The following PTPN4 variants were observed in gnomAD, a reference collection of about 807,000 sequenced individuals.
PTPN4 encodes tyrosine-protein phosphatase non-receptor type 4.
A neutral mutation model predicts 135.5 loss-of-function variants in PTPN4; 49 were observed. The ratio of observed to expected loss-of-function variants is 0.36; its 90% confidence interval spans 0.29 to 0.46. The LOEUF is 0.46. Ranked by LOEUF, PTPN4 falls within the 20% of genes least tolerant of loss-of-function variation. The pLI, the probability that PTPN4 is intolerant of heterozygous loss-of-function variation, is 1.00. For synonymous variants in PTPN4, 333 were observed against 369.9 expected (o/e 0.90, Z 1.14); for missense variants, 860 against 1,101.0 (o/e 0.78, Z 3.10).
At chr2:119,932,269 T>C (rs1047550240) in intron 13 of PTPN4, 155 bp from the exon 14 acceptor site, 3 of 636,680 alleles carry the variant, frequency 4.7e-6, no homozygotes, top group Admixed American at 3.5e-5. Context: ...GGAAGTTATT[T>C]GGTAAATAGC....
chr2:119,760,724 G>A (rs1448863581), intron 1 of PTPN4, among the ~76,000 whole-genome samples: 1 of 131,076 alleles, frequency 7.6e-6, no homozygotes, highest in African/African-American at 3.0e-5. Context: ...TCCATTGCTG[G>A]TAGAATTCCT....
chr2:119,813,251 T>TC (rs1172629115), intron 2 of PTPN4, among the ~76,000 whole-genome samples: 2 of 150,460 alleles, frequency 1.3e-5, no homozygotes, highest in Admixed American at 1.3e-4. Context: ...TTTCTTTCTT[T>TC]CTTTTTTTTT....
chr2:119,868,541 T>C (rs752482857), intron 3 of PTPN4, among the ~76,000 whole-genome samples: 16 of 152,220 alleles, frequency 1.1e-4, no homozygotes, highest in Non-Finnish European at 2.1e-4. Context: ...GACATGTTCA[T>C]GTTGGCCATA....
At chr2:119,883,209 C>A (rs1458857020) in intron 8 of PTPN4, among the ~76,000 whole-genome samples, 1 of 151,966 alleles carries the variant, frequency 6.6e-6, no homozygotes, top group East Asian at 1.9e-4. Flanking sequence ...TTGTTTCATA[C>A]ACAGAATTAT....
rs928922341 is a variant in PTPN4 at position 119,980,257 on chromosome 2, G to A, written c.*3187G>A. 1.3e-5 allele frequency: 2 copies of A among 152,050 alleles called. No homozygotes were observed. Among genetic ancestry groups the A allele is most frequent in the Non-Finnish European group, 2.9e-5 (2 of 67,934 alleles). The allele number at this position is 152,050 out of a possible 1,614,324, so 9.4% of individuals were successfully genotyped here. A position where few individuals can be genotyped will look rare whatever the true frequency, so the allele number is the denominator to read the frequency against. ...TGTACACACACATAGAGCTACTTTTGTGTGTTTATTTATATGTATATTTCA... is the reference window on the plus strand; with the variant it reads ...TGTACACACACATAGAGCTACTTTTATGTGTTTATTTATATGTATATTTCA... On this transcript the variant is annotated 3_prime_UTR_variant, in exon 27 of 27. Transcript: ENST00000263708.
intron 9 of PTPN4, among the ~76,000 whole-genome samples, chr2:119,898,766 G>GT (rs1216309645): frequency 6.6e-6 from 1 of 152,018 alleles, no homozygotes; most frequent in Non-Finnish European, 1.5e-5. Context: ...TTGTTCTCTC[G>GT]TTTTATCTTA....
chr2:119,970,976 A>G (rs1274909748), intron 26 of PTPN4, among the ~76,000 whole-genome samples: 1 of 152,054 alleles, frequency 6.6e-6, no homozygotes, highest in Non-Finnish European at 1.5e-5. Context: ...TTTTTATTTT[A>G]GCCATCCTGC....
At chr2:119,901,995 A>T (rs551922922) in intron 10 of PTPN4, among the ~76,000 whole-genome samples, 1 of 152,336 alleles carries the variant, frequency 6.6e-6, no homozygotes, top group Non-Finnish European at 1.5e-5. Flanking sequence ...GAGAGAGAAG[A>T]TCAGAAGAAA....
At chr2:119,962,408 C>T (rs1463965331) in intron 23 of PTPN4, among the ~76,000 whole-genome samples, 1 of 151,264 alleles carries the variant, frequency 6.6e-6, no homozygotes. Flanking sequence ...GAGCCAAGAT[C>T]GTGCTATTGC....
rs1300358399 is a variant in PTPN4, at chr2:119,981,050, T to C, written c.*3980T>C. 6.6e-6 allele frequency: 1 copy of C among 152,104 alleles called. No individual in the cohort carries two copies. Among genetic ancestry groups the C allele is most frequent in the African/African-American group, 2.4e-5 (1 of 41,452 alleles). 9.4% of individuals were successfully genotyped at this position (152,104 alleles called of 1,614,324 possible). ...TATTTAATATCTGTATTTTGAACAT[T>C]TAAAATACTCTGATGGTAAGGTTGC... On this transcript the variant is annotated 3_prime_UTR_variant, in exon 27 of 27. Coordinates refer to ENST00000263708, the MANE Select transcript of PTPN4 (RefSeq NM_002830.4).
At chr2:119,900,608 C>T in intron 9 of PTPN4, 110 bp from the exon 10 acceptor site, 2 of 594,458 alleles carry the variant, frequency 3.4e-6, no homozygotes, top group Non-Finnish European at 5.4e-6. Flanking sequence ...TCTTTGCAAC[C>T]TTTGAAAATG....
At chr2:119,816,876 A>C (rs904222956) in intron 2 of PTPN4, among the ~76,000 whole-genome samples, 1 of 152,216 alleles carries the variant, frequency 6.6e-6, no homozygotes, top group African/African-American at 2.4e-5. Context: ...AAGTTGTCTC[A>C]AACATACTTT....
intron 2 of PTPN4, among the ~76,000 whole-genome samples, chr2:119,835,340 G>A (rs572959517): frequency 1.5e-4 from 23 of 152,086 alleles, no homozygotes; most frequent in Non-Finnish European, 2.8e-4. Flanking sequence ...GTCTGCCACC[G>A]CGCCCAGCTA....
At chr2:119,815,155 G>T (rs1179194669) in intron 2 of PTPN4, among the ~76,000 whole-genome samples, 2 of 151,998 alleles carry the variant, frequency 1.3e-5, no homozygotes, top group African/African-American at 4.8e-5. Flanking sequence ...AAGATTCTTG[G>T]GCAGTTATTC....
intron 13 of PTPN4, among the ~76,000 whole-genome samples, chr2:119,932,008 G>A (rs1359471390): frequency 6.6e-6 from 1 of 152,158 alleles, no homozygotes; most frequent in East Asian, 1.9e-4. Context: ...AAGCATTCAG[G>A]AGATAATGTG....
intron 26 of PTPN4, among the ~76,000 whole-genome samples, chr2:119,969,440 C>T (rs1010003753): frequency 6.6e-6 from 1 of 151,964 alleles, no homozygotes; most frequent in African/African-American, 2.4e-5. Flanking sequence ...TGAAGCAAAT[C>T]CTAGATATCA....
intron 10 of PTPN4, among the ~76,000 whole-genome samples, chr2:119,903,218 T>C (rs1002539670): frequency 1.3e-5 from 2 of 152,076 alleles, no homozygotes; most frequent in Admixed American, 6.5e-5. Context: ...GACATTACCA[T>C]TGACAGCAAC....
intron 2 of PTPN4, among the ~76,000 whole-genome samples, chr2:119,839,001 C>A (rs949421943): frequency 2.0e-5 from 3 of 152,132 alleles, no homozygotes; most frequent in Non-Finnish European, 2.9e-5. Context: ...TGTACTTATT[C>A]TCTCTGCCTG....
chr2:119,818,778 G>C (rs1212426351), intron 2 of PTPN4, among the ~76,000 whole-genome samples: 1 of 152,184 alleles, frequency 6.6e-6, no homozygotes, highest in Non-Finnish European at 1.5e-5. Context: ...ATGGAGATTA[G>C]TTTTAAGCTT....
Sources: allele counts gnomAD v4.1 joint callset (sites outside exome capture counted in the v4.1 genomes callset), GRCh38; gene constraint gnomAD v4.1.1; transcripts MANE v1.5; gene names NCBI Gene and HGNC (gene_info 2026-07-23, HGNC 2026-07-21).